TMEM219: variants seen among roughly 807,000 people sequenced by gnomAD.
TMEM219 encodes the protein insulin-like growth factor-binding protein 3 receptor.
In TMEM219, 18 loss-of-function variants were observed where a neutral mutation model predicts 17.9. The ratio of observed to expected loss-of-function variants is 1.01; its 90% CI spans 0.70 to 1.49. The LOEUF is 1.49. TMEM219 is among the 40% of genes most tolerant of loss of function. The pLI is 0.00. For missense variants in TMEM219, 288 were observed against 292.4 expected (o/e 0.99, Z 0.11); for synonymous variants, 113 against 124.0 (o/e 0.91, Z 0.59).
chr16:29,962,481 C>A (rs943250077), intron 1 of TMEM219, among the ~76,000 whole-genome samples: 4 of 152,116 alleles, frequency 2.6e-5, no homozygotes, highest in Non-Finnish European at 5.9e-5. Context: ...GGCCCTACCC[C>A]TCCTGTGTTA....
rs754143682 is a variant in TMEM219, at chr16:29,963,598, A to G, written c.355+9A>G. The G allele has an allele frequency of 6.2e-7, 1 of 1,611,468 alleles. No individual in the cohort carries two copies. Among genetic ancestry groups the G allele is most frequent in the Non-Finnish European group, 8.5e-7 (1 of 1,178,392 alleles). ...TCAGATGGGATTGAAAGGTGAGATC[A>G]GAGGCTGGGTGTGGTGGCTCACGCC... On this transcript the variant is annotated intron_variant, in intron 3 of 5. Coordinates refer to ENST00000279396, the MANE Select transcript of TMEM219 (RefSeq NM_001083613.2).
chr16:29,971,313 G>T lies in TMEM219; in HGVS notation c.586-95G>T. On this transcript the variant is annotated intron_variant, in intron 4 of 5. Transcript: ENST00000279396. ...ACATTTTCCCTTCAGTTGCTCCCTA[G>T]ATGTGGAGAGCCCTCTCCCTCATGG... The T allele has an allele frequency of 2.3e-6, 3 of 1,314,998 alleles. No individual in the cohort carries two copies. The South Asian group carries it at 3.8e-5, about 17-fold the overall frequency. The allele number at this position is 1,314,998 out of a possible 1,614,324, so 81.5% of individuals were successfully genotyped here.
Position 29,963,138 on chromosome 16 carries a change from C to T in TMEM219, c.-6C>T. 2 of 1,610,796 alleles carry T rather than the reference C, an allele frequency of 1.2e-6. No homozygotes were observed. Among genetic ancestry groups the T allele is most frequent in the African/African-American group, 1.3e-5 (1 of 75,066 alleles). ...CTCCCCGGAGGCTCAGCCCCCTCTG[C>T]TCCCCATGGGCAACTGCCAGGCAGG... On this transcript the variant is annotated 5_prime_UTR_variant, in exon 2 of 6. Transcript: ENST00000279396.
In TMEM219 at chr16:29,963,169, A is replaced by G. The variant is rs1324285788; in HGVS notation, c.26A>G (p.Asn9Ser). Residue 9 changes from asparagine to serine, a missense_variant, in exon 2 of 6, where the codon AAC (asparagine) becomes AGC (serine). Physicochemically the swap from Asn to Ser is conservative, Grantham distance 46. Transcript: ENST00000279396. MGNCQAGH[N>S]LHLCLAHHPP... ...ATGGGCAACTGCCAGGCAGGGCACA[A>G]CCTGCACCTGTGTCTGGCCCACCAC... 1.2e-6 allele frequency: 2 copies of G among 1,612,980 alleles called. No homozygotes were observed. The highest frequency in any genetic ancestry group is 8.5e-7 in the Non-Finnish European group (1 of 1,180,026).
intron 3 of TMEM219, among the ~76,000 whole-genome samples, chr16:29,964,663 C>T (rs1196446314): frequency 6.6e-5 from 10 of 151,026 alleles, no homozygotes; most frequent in Non-Finnish European, 1.3e-4. Flanking sequence ...TCCCGCCCCG[C>T]GCCCCCCCCA....
intron 1 of TMEM219, 102 bp from the exon 2 acceptor site, chr16:29,963,005 A>G: frequency 1.0e-6 from 1 of 969,406 alleles, no homozygotes; most frequent in Non-Finnish European, 1.5e-6. Context: ...TGGCTCTGCC[A>G]CTTACTGTGT....
At chr16:29,972,277 T>G (rs1048115136) in intron 5 of TMEM219, 1 of 152,248 alleles carries the variant, frequency 6.6e-6, no homozygotes, top group East Asian at 1.9e-4. Flanking sequence ...CAGAAGAGTC[T>G]AACTGATGAT....
At chr16:29,970,204 A>T (rs2069265551) in intron 4 of TMEM219, among the ~76,000 whole-genome samples, 1 of 151,948 alleles carries the variant, frequency 6.6e-6, no homozygotes, top group Non-Finnish European at 1.5e-5. Flanking sequence ...ACTGCACTCC[A>T]GCCTGGGCAA....
At chr16:29,971,724 A>C in intron 5 of TMEM219, 146 bp downstream of exon 5, 1 of 648,796 alleles carries the variant, frequency 1.5e-6, no homozygotes, top group Non-Finnish European at 2.5e-6. Flanking sequence ...GCTCTCCCTT[A>C]GGGACTGGGA....
intron 5 of TMEM219, chr16:29,971,978 G>T (rs750340405): frequency 1.9e-5 from 3 of 158,462 alleles, no homozygotes; most frequent in Non-Finnish European, 2.8e-5. Context: ...GCTTTATAAT[G>T]TATTGCCATG....
Position 29,963,718 on chromosome 16 carries a change from A to C in TMEM219, c.355+129A>C, listed in dbSNP as rs1596575608. 5.9e-6 allele frequency: 5 copies of C among 846,892 alleles called. No homozygotes were observed. In the East Asian group the frequency reaches 1.4e-4, roughly 24 times the overall value. 52.5% of individuals were successfully genotyped at this position (846,892 alleles called of 1,614,324 possible). A position where few individuals can be genotyped will look rare whatever the true frequency, so the allele number is the denominator to read the frequency against. On this transcript the variant is annotated intron_variant, in intron 3 of 5. Transcript: ENST00000279396. ...GCCAACATGATGAAACACCATCTCT[A>C]CTAAAAATACAAAAATTAGCCAGGC...
chr16:29,972,539 T>C lies in TMEM219; in HGVS notation c.*34-411T>C, dbSNP rs529032733. On this transcript the variant is annotated intron_variant, in intron 5 of 5. Coordinates refer to ENST00000279396, the MANE Select transcript of TMEM219 (RefSeq NM_001083613.2). ...GGGGGTGCATGAAATTTGAGAGCCATGTGTTATGCATCCAGCTCTTGAACT... is the reference window on the plus strand; with the variant it reads ...GGGGGTGCATGAAATTTGAGAGCCACGTGTTATGCATCCAGCTCTTGAACT... Among the ~76,000 whole-genome samples, 5 of 152,300 alleles carry C rather than the reference T, an allele frequency of 3.3e-5. No homozygotes were observed. In the East Asian group the frequency reaches 9.6e-4, roughly 29 times the overall value.
chr16:29,970,228 C>T (rs190597960), intron 4 of TMEM219, among the ~76,000 whole-genome samples: 39 of 151,700 alleles, frequency 2.6e-4, no homozygotes, highest in African/African-American at 8.0e-4. Flanking sequence ...AGTGAGACTC[C>T]GTCTCAAATA....
rs774979297 is a variant in TMEM219, at chr16:29,963,457, A to G, written c.223A>G (p.Thr75Ala). Reference protein sequence around the residue: ...GQLTLCPRNGTVTGKWRGSHV... With the variant: ...GQLTLCPRNGAVTGKWRGSHV... ...GCTGACCCTGTGTCCCAGGAATGGG[A>G]CAGTCACAGGGAAGTGGCGAGGGTC... Residue 75 changes from threonine to alanine, a missense_variant, in exon 3 of 6, where the codon ACA becomes GCA. By Grantham distance (58) the Thr-to-Ala change is moderately conservative. Coordinates refer to ENST00000279396, the MANE Select transcript of TMEM219 (RefSeq NM_001083613.2). The G allele has an allele frequency of 3.1e-6, 5 of 1,614,182 alleles. No individual in the cohort carries two copies. The highest frequency in any genetic ancestry group is 3.3e-5 in the Admixed American group (2 of 60,020).
chr16:29,962,086 C>T lies in TMEM219; in HGVS notation c.-84C>T, dbSNP rs992352039. 1.3e-5 allele frequency: 2 copies of T among 151,924 alleles called. No individual in the cohort carries two copies. The highest frequency in any genetic ancestry group is 2.9e-5 in the Non-Finnish European group (2 of 67,962). 9.4% of individuals were successfully genotyped at this position (151,924 alleles called of 1,614,324 possible). A position where few individuals can be genotyped will look rare whatever the true frequency, so the allele number is the denominator to read the frequency against. ...CACGGACCCCGCCCCCTCGCGGCCC[C>T]GCTCGTGACGTCGCGGGGGGCGCCG... On this transcript the variant is annotated 5_prime_UTR_variant, in exon 1 of 6. Transcript: ENST00000279396.
chr16:29,965,926 G>A (rs778899305), intron 3 of TMEM219, among the ~76,000 whole-genome samples: 9 of 152,078 alleles, frequency 5.9e-5, no homozygotes, highest in Non-Finnish European at 1.2e-4. Flanking sequence ...TAGTAGAGAT[G>A]GGGTTTCACC....
chr16:29,969,385 C>T (rs2150865554), intron 4 of TMEM219, among the ~76,000 whole-genome samples: 1 of 151,970 alleles, frequency 6.6e-6, no homozygotes, highest in African/African-American at 2.4e-5. Context: ...TTAGTAGAGA[C>T]AGGGTTTCAC....
intron 3 of TMEM219, among the ~76,000 whole-genome samples, chr16:29,966,165 G>A (rs1035872981): frequency 6.6e-6 from 1 of 152,162 alleles, no homozygotes; most frequent in Non-Finnish European, 1.5e-5. Flanking sequence ...TACCGGGTCT[G>A]GCGTATTACC....
intron 4 of TMEM219, among the ~76,000 whole-genome samples, chr16:29,970,973 G>A (rs1231405767): frequency 1.2e-4 from 18 of 151,256 alleles, no homozygotes; most frequent in Admixed American, 2.0e-4. Flanking sequence ...AGGGCCAGGC[G>A]CGGTGTTTCA....
Sources: gnomAD v4.1 joint callset for allele counts (sites outside exome capture counted in the v4.1 genomes callset) on GRCh38, gnomAD v4.1.1 for gene constraint, MANE v1.5 for transcripts, NCBI Gene and HGNC (gene_info 2026-07-23, HGNC 2026-07-21) for gene names.